Variants in TCF4 observed in about 807,000 individuals in gnomAD.
The protein encoded by TCF4 is transcription factor 4.
TCF4 carries 3 observed loss-of-function variants against 82.1 expected under a neutral mutation model. That is an observed-to-expected ratio of 0.04 (90% CI 0.02 to 0.09). TCF4 has a LOEUF of 0.09. Among genes scored for constraint, TCF4 ranks in the 10% least tolerant of loss-of-function variants. TCF4 has a pLI of 1.00. For synonymous variants in TCF4, 276 were observed against 309.6 expected, an observed-to-expected ratio of 0.89 and a Z score of 1.14; for missense variants, 518 against 852.7, an observed-to-expected ratio of 0.61 and a Z score of 4.89.
chr18:55,439,828 T>C (rs1373508981), intron 5 of TCF4, among the ~76,000 whole-genome samples: 5 of 152,174 alleles, frequency 3.3e-5, no homozygotes, highest in Admixed American at 3.3e-4. Flanking sequence ...GTTCAATCAG[T>C]TCTCCTGCCT....
At chr18:55,419,726 T>C (rs1413909893) in intron 5 of TCF4, among the ~76,000 whole-genome samples, 1 of 152,180 alleles carries the variant, frequency 6.6e-6, no homozygotes, top group Admixed American at 6.5e-5. Context: ...GTTGCTTTGA[T>C]ACGCAAATGT....
At chr18:55,464,330 A>G (rs2095955349) in intron 3 of TCF4, among the ~76,000 whole-genome samples, 193 bp from the exon 4 acceptor site, 1 of 152,202 alleles carries the variant, frequency 6.6e-6, no homozygotes, top group South Asian at 2.1e-4. Context: ...GTAGAAATGA[A>G]CTGGACCCTC....
In TCF4 at chr18:55,607,742, G is replaced by A. The variant is rs568175581; in HGVS notation, c.287-20606C>T. 9.9e-5 allele frequency among the ~76,000 whole-genome samples: 15 copies of A among 152,224 alleles called. No individual in the cohort carries two copies. The South Asian group carries it at 2.1e-3, about 21-fold the overall frequency. On this transcript the variant is annotated intron_variant, in intron 2 of 20. Transcript: ENST00000398339. ...TTGCGGATCCAAATGCTATCATTCC[G>A]TCAATAATGATAATCATAAGGATTT...
chr18:55,631,363 T>A, exon 2 of TCF4: 1 of 1,548,752 alleles, frequency 6.5e-7, no homozygotes, highest in Non-Finnish European at 8.7e-7. Context: ...GATAATGTTC[T>A]TAGATTGGTG....
chr18:55,609,909 C>T (rs2097705564), intron 2 of TCF4, among the ~76,000 whole-genome samples: 1 of 135,838 alleles, frequency 7.4e-6, no homozygotes, highest in South Asian at 2.6e-4. Flanking sequence ...TCCACACTCA[C>T]CCCCTGTTTG....
intron 5 of TCF4, among the ~76,000 whole-genome samples, chr18:55,459,214 T>C (rs957294113): frequency 6.7e-4 from 102 of 152,134 alleles, no homozygotes; most frequent in African/African-American, 2.2e-3. Flanking sequence ...AACAACTAAG[T>C]GAAAAGAATC....
At chr18:55,412,655 T>G (rs1041576688) in intron 5 of TCF4, among the ~76,000 whole-genome samples, 1 of 152,160 alleles carries the variant, frequency 6.6e-6, no homozygotes, top group Non-Finnish European at 1.5e-5. Flanking sequence ...ATCCGGTCCT[T>G]TCCCTTTCAT....
intron 6 of TCF4, among the ~76,000 whole-genome samples, chr18:55,386,084 C>T (rs1362937776): frequency 6.6e-6 from 1 of 152,168 alleles, no homozygotes; most frequent in Non-Finnish European, 1.5e-5. Context: ...TCAACACCTA[C>T]ACCACATTAG....
chr18:55,357,661 T>A (rs1464774606), intron 6 of TCF4, among the ~76,000 whole-genome samples: 1 of 152,192 alleles, frequency 6.6e-6, no homozygotes, highest in Admixed American at 6.6e-5. Flanking sequence ...TCAGTCTTCA[T>A]CATATTGGGT....
At chr18:55,322,294 T>G (rs1158953582) in intron 8 of TCF4, 2 of 1,045,556 alleles carry the variant, frequency 1.9e-6, no homozygotes, top group Non-Finnish European at 2.3e-6. Flanking sequence ...AAAAAGCGAG[T>G]GGCAGGAAGG....
At chr18:55,346,189 C>T (rs2081139799) in intron 8 of TCF4, among the ~76,000 whole-genome samples, 1 of 152,100 alleles carries the variant, frequency 6.6e-6, no homozygotes, top group Non-Finnish European at 1.5e-5. Context: ...GTAAAGGAAA[C>T]TCTAATCCAT....
intron 2 of TCF4, chr18:55,586,063 C>T: frequency 2.1e-6 from 3 of 1,417,366 alleles, no homozygotes; most frequent in East Asian, 3.0e-5. Context: ...CTGCCTAGGG[C>T]TACGTTTCCT....
At chr18:55,337,084 TAAG>T (rs1163766400) in intron 8 of TCF4, among the ~76,000 whole-genome samples, 1 of 152,062 alleles carries the variant, frequency 6.6e-6, no homozygotes, top group East Asian at 1.9e-4. Context: ...CCTGTTGCAT[TAAG>T]AAGACTCAAA....
intron 12 of TCF4, 128 bp from the exon 13 acceptor site, chr18:55,260,155 C>T: frequency 1.4e-6 from 1 of 712,240 alleles, no homozygotes; most frequent in Non-Finnish European, 2.5e-6. Context: ...TAATAATCAA[C>T]TACAGTACCA....
At chr18:55,462,024 T>C (rs137889274) in intron 4 of TCF4, among the ~76,000 whole-genome samples, 39 of 152,222 alleles carry the variant, frequency 2.6e-4, no homozygotes, top group African/African-American at 7.5e-4. Flanking sequence ...CCCATGAAAG[T>C]CTAAGTCAAA....
chr18:55,462,095 AG>A (rs2095877437), intron 4 of TCF4, among the ~76,000 whole-genome samples: 3 of 152,174 alleles, frequency 2.0e-5, no homozygotes, highest in African/African-American at 7.2e-5. Context: ...CACAAAAGAG[AG>A]GGCTGCTGCA....
At chr18:55,542,985 G>A (rs2097177330) in intron 3 of TCF4, among the ~76,000 whole-genome samples, 1 of 152,012 alleles carries the variant, frequency 6.6e-6, no homozygotes, top group Non-Finnish European at 1.5e-5. Context: ...CAAGCACTAA[G>A]CAAAGAGGTT....
At chr18:55,522,135 G>T (rs1054222593) in intron 3 of TCF4, among the ~76,000 whole-genome samples, 1 of 152,178 alleles carries the variant, frequency 6.6e-6, no homozygotes, top group African/African-American at 2.4e-5. Context: ...TGTTACCAGA[G>T]TGATGATAAC....
In TCF4 at chr18:55,232,606, C is replaced by T; in HGVS notation, c.1552G>A (p.Glu518Lys). The T allele has an allele frequency of 6.2e-7, 1 of 1,614,182 alleles. No homozygotes were observed. The highest frequency in any genetic ancestry group is 8.5e-7 in the Non-Finnish European group (1 of 1,180,018). Reference sequence around the variant, plus strand: ...GTGTCTTGCAGGTTCTCATCACCCTCGTCATCGGATTTGATCTCAGAGCTG... The same window carrying T: ...GTGTCTTGCAGGTTCTCATCACCCTTGTCATCGGATTTGATCTCAGAGCTG... ...SGSSEIKSDDEGDENLQDTKS... is the reference protein window; with the variant it reads ...SGSSEIKSDDKGDENLQDTKS... The change falls in exon 17 of 20, where the codon GAG becomes AAG. Residue 518 changes from glutamate (E) to lysine (K), a missense_variant. Physicochemically the swap from Glu to Lys is moderately conservative, Grantham distance 56. This residue lies in a region of TCF4 where 144 missense variants were observed against 190.2 expected (regional missense o/e 0.76). Transcript: ENST00000354452.
Sources: gnomAD v4.1 joint callset for allele counts (sites outside exome capture counted in the v4.1 genomes callset) on GRCh38, gnomAD v4.1.1 for gene constraint, gnomAD v4.1.1 regional missense constraint, MANE v1.5 for transcripts, NCBI Gene and HGNC (gene_info 2026-07-23, HGNC 2026-07-21) for gene names.